Variants in SYN3 observed in about 807,000 individuals in gnomAD.
SYN3 encodes the protein synapsin III.
A neutral mutation model predicts 65.8 loss-of-function variants in SYN3; 35 were observed. The observed-to-expected ratio is 0.53, with a 90% CI of 0.41 to 0.70. SYN3 has a LOEUF of 0.70. Ranked by LOEUF, SYN3 falls within the 30% of genes least tolerant of loss-of-function variation. The probability of loss-of-function intolerance (pLI) is 0.00; values close to 1 mark genes in which losing one functional copy is unlikely to be tolerated. For synonymous variants in SYN3, 270 were observed against 292.9 expected, an observed-to-expected ratio of 0.92 and a Z score of 0.80; for missense variants, 680 against 749.0, an observed-to-expected ratio of 0.91 and a Z score of 1.08.
chr22:32,605,284 T>G (rs986042791), intron 6 of SYN3, among the ~76,000 whole-genome samples: 1 of 152,048 alleles, frequency 6.6e-6, no homozygotes, highest in Non-Finnish European at 1.5e-5. Flanking sequence ...CAGCCAGAAT[T>G]AGGGCGGACA....
chr22:32,895,718 C>T (rs1225027214), intron 4 of SYN3, among the ~76,000 whole-genome samples: 2 of 152,164 alleles, frequency 1.3e-5, no homozygotes, highest in East Asian at 3.8e-4. Flanking sequence ...CCTTATTTCT[C>T]GGGTTACACA....
At chr22:32,518,465 A>G in intron 12 of SYN3, 131 bp from the exon 13 acceptor site, 1 of 1,049,070 alleles carries the variant, frequency 9.5e-7, no homozygotes, top group East Asian at 2.6e-5. Context: ...TGAAAACCGT[A>G]TAAATACCTA....
rs150350609 is a variant in SYN3 at position 32,726,698 on chromosome 22, T to C, written c.712-129962A>G. 5.7e-3 allele frequency among the ~76,000 whole-genome samples: 864 copies of C among 152,286 alleles called. 4 individuals are homozygous for C. Among genetic ancestry groups the C allele is most frequent in the Non-Finnish European group, 0.01 (701 of 68,024 alleles). The stretch of plus-strand genomic sequence containing the variant: ...AGAAGCTTGAACGGGACAAAATGGA[T>C]CTGGACTTCCCTGGTCTCTTTGTCT... On this transcript the variant is annotated intron_variant, in intron 6 of 13. Transcript: ENST00000358763.
chr22:32,792,465 G>C (rs555293622), intron 6 of SYN3, among the ~76,000 whole-genome samples: 1 of 152,298 alleles, frequency 6.6e-6, no homozygotes. Context: ...TCTCATGTTT[G>C]AAATTTCAGG....
At chr22:32,719,202 A>G (rs1461971621) in intron 6 of SYN3, among the ~76,000 whole-genome samples, 4 of 152,178 alleles carry the variant, frequency 2.6e-5, no homozygotes, top group Non-Finnish European at 5.9e-5. Flanking sequence ...TTTCTCTCCT[A>G]GAATAGGACT....
intron 6 of SYN3, among the ~76,000 whole-genome samples, chr22:32,713,747 C>T (rs1266574046): frequency 6.0e-5 from 9 of 150,944 alleles, no homozygotes; most frequent in Admixed American, 4.6e-4. Context: ...AGGAGAATGG[C>T]GTGAACCCGG....
intron 5 of SYN3, among the ~76,000 whole-genome samples, chr22:32,867,540 AATAAAGCAGG>A (rs1156604971): frequency 6.6e-6 from 1 of 152,236 alleles, no homozygotes; most frequent in Non-Finnish European, 1.5e-5. Context: ...CTAGGAAAAA[AATAAAGCAGG>A]GTAAGGGATT....
intron 3 of SYN3, among the ~76,000 whole-genome samples, chr22:32,939,876 A>G (rs552305973): frequency 1.3e-5 from 2 of 152,294 alleles, no homozygotes; most frequent in South Asian, 4.1e-4. Context: ...TATACCTAGA[A>G]GTGGAATTGC....
chr22:32,521,293 G>A (rs1472326458), intron 12 of SYN3, among the ~76,000 whole-genome samples: 2 of 152,078 alleles, frequency 1.3e-5, no homozygotes, highest in African/African-American at 4.8e-5. Flanking sequence ...GCAAACGCAG[G>A]AGCCCCTAGG....
chr22:32,941,962 G>A (rs1251423455), intron 3 of SYN3, among the ~76,000 whole-genome samples: 1 of 152,176 alleles, frequency 6.6e-6, no homozygotes, highest in Non-Finnish European at 1.5e-5. Context: ...AGCTCAAACT[G>A]GGAAGCCCAC....
chr22:33,025,944 C>A (rs2053635521), intron 1 of SYN3, among the ~76,000 whole-genome samples: 1 of 152,250 alleles, frequency 6.6e-6, no homozygotes, highest in East Asian at 1.9e-4. Context: ...AAAGAGACGT[C>A]CCATGTTTCT....
Position 32,970,471 on chromosome 22 carries a change from G to GTC in SYN3, c.369+10172_369+10173dup, listed in dbSNP as rs1319240745. 4.2e-5 allele frequency among the ~76,000 whole-genome samples: 6 copies of GTC among 141,718 alleles called. 1 individual carries two copies. Among genetic ancestry groups the GTC allele is most frequent in the East Asian group, 4.1e-4 (2 of 4,848 alleles). 93.0% of individuals were successfully genotyped at this position (141,718 alleles called of 152,430 possible). On this transcript the variant is annotated intron_variant, in intron 3 of 13. Coordinates refer to ENST00000358763, the MANE Select transcript of SYN3 (RefSeq NM_003490.4). ...AGCCTGGGCAACATAGCAAGACCCC[G>GTC]TCTCTATTTGGAAAAAAAAAAAAAA... is the stretch of plus-strand genomic sequence containing the variant.
At chr22:32,844,047 G>GT (rs1455645830) in intron 6 of SYN3, among the ~76,000 whole-genome samples, 3 of 152,054 alleles carry the variant, frequency 2.0e-5, no homozygotes, top group Non-Finnish European at 2.9e-5. Context: ...GTGGAACCTG[G>GT]ACTCCTAAGT....
intron 6 of SYN3, among the ~76,000 whole-genome samples, chr22:32,720,681 C>A (rs959231744): frequency 1.3e-5 from 2 of 152,228 alleles, no homozygotes; most frequent in Non-Finnish European, 2.9e-5. Flanking sequence ...AGTCCATAAA[C>A]CCGGCCTTGT....
At chr22:33,016,166 C>G (rs1359550717) in intron 1 of SYN3, among the ~76,000 whole-genome samples, 1 of 152,184 alleles carries the variant, frequency 6.6e-6, no homozygotes, top group Non-Finnish European at 1.5e-5. Flanking sequence ...TTCTTACACA[C>G]TTGTTTCTCT....
At chr22:32,676,528 CTTTTTTTTTTTTTTTTTTTTTTTT>C (rs879196572) in intron 6 of SYN3, among the ~76,000 whole-genome samples, 1 of 88,932 alleles carries the variant, frequency 1.1e-5, no homozygotes, top group Non-Finnish European at 2.0e-5. Context: ...TCTTTTCTTT[CTTTTTTTTTTTTTTTTTTTTTTTT>C]TTTTTGACAG....
chr22:32,629,689 C>T (rs1295761144), intron 6 of SYN3: 1 of 152,192 alleles, frequency 6.6e-6, no homozygotes, highest in Non-Finnish European at 1.5e-5. Flanking sequence ...CCCTGGGAGC[C>T]TCTTTGCAAT....
At chr22:32,917,436 G>T (rs2050214315) in intron 4 of SYN3, among the ~76,000 whole-genome samples, 1 of 152,158 alleles carries the variant, frequency 6.6e-6, no homozygotes, top group South Asian at 2.1e-4. Context: ...GAGAAGTACT[G>T]GGTACCCAAC....
chr22:32,944,559 T>C (rs2051044962), intron 3 of SYN3, among the ~76,000 whole-genome samples: 1 of 152,182 alleles, frequency 6.6e-6, no homozygotes, highest in African/African-American at 2.4e-5. Context: ...TAATAAGAGC[T>C]ATTTATGACA....
Sources: allele counts gnomAD v4.1 joint callset (sites outside exome capture counted in the v4.1 genomes callset), GRCh38; gene constraint gnomAD v4.1.1; transcripts MANE v1.5; gene names NCBI Gene and HGNC (gene_info 2026-07-23, HGNC 2026-07-21).